Variants in ZEB1 observed in about 807,000 individuals in gnomAD.
The protein encoded by ZEB1 is zinc finger E-box-binding homeobox 1.
ZEB1 carries 21 observed loss-of-function variants against 84.9 expected under a neutral mutation model. The ratio of observed to expected loss-of-function variants is 0.25; its 90% CI spans 0.18 to 0.36. ZEB1 has a LOEUF of 0.36. ZEB1 is among the 10% of genes least tolerant of loss of function. ZEB1 has a pLI of 1.00. For synonymous variants in ZEB1, 420 were observed against 471.1 expected, an observed-to-expected ratio of 0.89 and a Z score of 1.41; for missense variants, 1,104 against 1,330.2, an observed-to-expected ratio of 0.83 and a Z score of 2.65.
Position 31,375,257 on chromosome 10 carries a change from C to T in ZEB1, c.58+55965C>T, listed in dbSNP as rs183469689. Among the ~76,000 whole-genome samples, 403 of 151,948 alleles carry T rather than the reference C, an allele frequency of 2.7e-3. 7 individuals carry two copies. Among genetic ancestry groups the T allele is most frequent in the Admixed American group, 0.021 (321 of 15,254 alleles). ...AAGTATTCTGATTTGAAGATCTCAA[C>T]TTAGAGATCCAGGCAGTCCCCCTTG... is the stretch of plus-strand genomic sequence containing the variant. On this transcript the variant is annotated intron_variant, in intron 1 of 8. Coordinates refer to ENST00000424869, the MANE Select transcript of ZEB1 (RefSeq NM_001174096.2).
At chr10:31,475,548 AGT>A (rs1486671351) in intron 2 of ZEB1, among the ~76,000 whole-genome samples, 1 of 152,196 alleles carries the variant, frequency 6.6e-6, no homozygotes, top group Non-Finnish European at 1.5e-5. Flanking sequence ...GCTAGAGACA[AGT>A]GTCAAATCAC....
upstream of ZEB1, chr10:31,319,171 T>TGGAGGCGGAGGGGG: frequency 2.2e-6 from 1 of 454,308 alleles, no homozygotes; most frequent in African/African-American, 6.9e-5. Flanking sequence ...GGCGGAGGGG[T>TGGAGGCGGAGGGGG]GGGGGGGAAG....
intron 1 of ZEB1, among the ~76,000 whole-genome samples, chr10:31,380,822 CTGAG>C (rs746532081): frequency 2.6e-5 from 4 of 152,134 alleles, no homozygotes; most frequent in Non-Finnish European, 4.4e-5. Context: ...ACATGTGACT[CTGAG>C]GACTTTCACA....
intron 1 of ZEB1, among the ~76,000 whole-genome samples, chr10:31,333,731 A>C (rs1163384363): frequency 5.3e-5 from 8 of 152,100 alleles, no homozygotes; most frequent in Non-Finnish European, 5.9e-5. Flanking sequence ...TACAGTGCAT[A>C]TGAGTTGAAA....
At chr10:31,396,814 TTTAAG>T (rs1204437160) in intron 1 of ZEB1, among the ~76,000 whole-genome samples, 1 of 152,130 alleles carries the variant, frequency 6.6e-6, no homozygotes, top group Admixed American at 6.6e-5. Context: ...TTAGTGTGCT[TTTAAG>T]TTAAGAATAT....
chr10:31,484,966 C>G (rs918730382), intron 2 of ZEB1, among the ~76,000 whole-genome samples: 1 of 151,882 alleles, frequency 6.6e-6, no homozygotes, highest in Non-Finnish European at 1.5e-5. Context: ...CTCTCTCCCC[C>G]AACCTTTGTT....
At chr10:31,425,373 C>T (rs1418044899) in intron 1 of ZEB1, among the ~76,000 whole-genome samples, 2 of 152,102 alleles carry the variant, frequency 1.3e-5, no homozygotes, top group East Asian at 1.9e-4. Context: ...TCAAGATTTA[C>T]TAAAATGCAT....
At chr10:31,325,068 A>G (rs894111009) in intron 1 of ZEB1, among the ~76,000 whole-genome samples, 2 of 152,132 alleles carry the variant, frequency 1.3e-5, no homozygotes, top group Admixed American at 6.5e-5. Flanking sequence ...GCATGTCTGG[A>G]TTTTAGCCTT....
rs562304893 is a variant in ZEB1 at position 31,451,485 on chromosome 10, G to A, written c.59-9552G>A. On this transcript the variant is annotated intron_variant, in intron 1 of 8. Coordinates refer to ENST00000424869, the MANE Select transcript of ZEB1 (RefSeq NM_001174096.2). The stretch of plus-strand genomic sequence containing the variant: ...GATTTTGTCTTCACACTTAGATTTC[G>A]TCATACTACCTATCTTCCATAAGTA... Among the ~76,000 whole-genome samples, 24 of 151,968 alleles carry A rather than the reference G, an allele frequency of 1.6e-4. No individual in the cohort carries two copies. In the East Asian group the frequency reaches 2.3e-3, roughly 15 times the overall value.
Position 31,487,607 on chromosome 10 carries a change from A to G in ZEB1, c.260-8169A>G, listed in dbSNP as rs77476754. 4.0e-3 allele frequency among the ~76,000 whole-genome samples: 602 copies of G among 151,172 alleles called. 1 individual carries two copies. The highest frequency in any genetic ancestry group is 6.0e-3 in the Non-Finnish European group (407 of 67,400). On this transcript the variant is annotated intron_variant, in intron 2 of 8. Transcript: ENST00000424869. ...GTTTTCTGCAAATAGGGACATTTTT[A>G]TTTCTTCCTTTCTAATGTGTATGCC...
At chr10:31,462,428 AT>A (rs2061925094) in intron 2 of ZEB1, among the ~76,000 whole-genome samples, 2 of 152,324 alleles carry the variant, frequency 1.3e-5, no homozygotes, top group Admixed American at 6.5e-5. Context: ...CAAATACATT[AT>A]AGTTTTATTT....
intron 1 of ZEB1, among the ~76,000 whole-genome samples, chr10:31,453,630 A>G (rs1474343024): frequency 2.0e-5 from 3 of 151,752 alleles, no homozygotes; most frequent in Admixed American, 6.6e-5. Flanking sequence ...AGATTTATTG[A>G]CCTCGCAAAT....
At chr10:31,327,853 G>A (rs1403614519) in intron 1 of ZEB1, among the ~76,000 whole-genome samples, 3 of 152,116 alleles carry the variant, frequency 2.0e-5, no homozygotes, top group Non-Finnish European at 4.4e-5. Context: ...TTTTTCAGTT[G>A]CTAAATATAA....
intron 2 of ZEB1, among the ~76,000 whole-genome samples, chr10:31,468,431 C>CA (rs2062716182): frequency 6.6e-6 from 1 of 152,198 alleles, no homozygotes; most frequent in African/African-American, 2.4e-5. Context: ...GCACAGCACT[C>CA]AGACAGCTCT....
intron 1 of ZEB1, among the ~76,000 whole-genome samples, chr10:31,442,658 A>G (rs1313336685): frequency 2.6e-5 from 4 of 152,182 alleles, no homozygotes; most frequent in Admixed American, 2.6e-4. Context: ...GGAGTCAACA[A>G]ATGGCATTTA....
chr10:31,409,868 A>C (rs2053902196), intron 1 of ZEB1, among the ~76,000 whole-genome samples: 1 of 152,208 alleles, frequency 6.6e-6, no homozygotes, highest in Non-Finnish European at 1.5e-5. Flanking sequence ...TTGTATCCTG[A>C]GACTTTGCTG....
At chr10:31,424,332 G>C (rs553223097) in intron 1 of ZEB1, among the ~76,000 whole-genome samples, 1 of 151,840 alleles carries the variant, frequency 6.6e-6, no homozygotes, top group African/African-American at 2.4e-5. Flanking sequence ...ACTATATCAT[G>C]AATAATGCCC....
chr10:31,457,642 A>G (rs1320120963), intron 1 of ZEB1, among the ~76,000 whole-genome samples: 1 of 152,138 alleles, frequency 6.6e-6, no homozygotes, highest in Non-Finnish European at 1.5e-5. Flanking sequence ...ATGGCAGCTT[A>G]TACAGGGGAC....
chr10:31,426,297 C>T (rs1481699443), intron 1 of ZEB1, among the ~76,000 whole-genome samples: 1 of 152,102 alleles, frequency 6.6e-6, no homozygotes, highest in South Asian at 2.1e-4. Context: ...GAAAACATTA[C>T]TCTGCCCCCT....
Sources: allele counts gnomAD v4.1 joint callset (sites outside exome capture counted in the v4.1 genomes callset), GRCh38; gene constraint gnomAD v4.1.1; transcripts MANE v1.5; gene names NCBI Gene and HGNC (gene_info 2026-07-23, HGNC 2026-07-21).